CR1L: variants seen among roughly 807,000 people sequenced by gnomAD.
The protein encoded by CR1L is complement component receptor 1-like protein.
Under a neutral mutation model 62.3 loss-of-function variants are expected in CR1L, and 59 were observed. The ratio of observed to expected loss-of-function variants is 0.95; its 90% CI spans 0.77 to 1.18. The LOEUF is 1.18. Among genes scored for constraint, CR1L ranks in the 50% most tolerant of loss-of-function variants. The probability of loss-of-function intolerance (pLI) is 0.00; values close to 1 mark genes in which losing one functional copy is unlikely to be tolerated. For missense variants in CR1L, 700 were observed against 702.8 expected (o/e 1.00, Z 0.04); for synonymous variants, 279 against 248.7 (o/e 1.12, Z -1.15).
chr1:207,647,864 G>T (rs1663155112), intron 1 of CR1L, among the ~76,000 whole-genome samples: 2 of 152,140 alleles, frequency 1.3e-5, no homozygotes, highest in Admixed American at 6.6e-5. Context: ...GGAGGGTGAT[G>T]GGATTAGGGA....
In CR1L at chr1:207,714,060, G is replaced by A. The variant is rs149951337; in HGVS notation, c.1415-3404G>A. ...TTGGTGGGTCCTGAGTTCTTGTCCCGCATCCAAGAAGAACAAGCTTATGCT... is the reference window on the plus strand; with the variant it reads ...TTGGTGGGTCCTGAGTTCTTGTCCCACATCCAAGAAGAACAAGCTTATGCT... On this transcript the variant is annotated intron_variant, in intron 10 of 11. Coordinates refer to ENST00000508064, the MANE Select transcript of CR1L (RefSeq NM_175710.2). 4.5e-3 allele frequency among the ~76,000 whole-genome samples: 686 copies of A among 152,304 alleles called. 4 individuals are homozygous for A. The highest frequency in any genetic ancestry group is 0.01 in the Middle Eastern group (3 of 292).
rs1571532887 is a variant in CR1L at position 207,708,080 on chromosome 1, C to T, written c.1329-98C>T. ...AAAGTTTAGGCTAGGCCTTAGACTT[C>T]TCCTATATTGTAATCCCTCTGGTTT... On this transcript the variant is annotated intron_variant, in intron 9 of 11. Transcript: ENST00000508064. The T allele has an allele frequency of 3.6e-5, 51 of 1,408,896 alleles. No homozygotes were observed. In the South Asian group the frequency reaches 4.8e-4, roughly 13 times the overall value. 87.3% of individuals were successfully genotyped at this position (1,408,896 alleles called of 1,614,324 possible). A position where few individuals can be genotyped will look rare whatever the true frequency, so the allele number is the denominator to read the frequency against.
chr1:207,657,358 A>G (rs1394625135), intron 1 of CR1L: 1 of 788,998 alleles, frequency 1.3e-6, no homozygotes, highest in African/African-American at 1.7e-5. Flanking sequence ...ATCTGTAAGT[A>G]CTCTGGAAAT....
In CR1L at chr1:207,708,162, CA is replaced by C. The variant is rs1664298398; in HGVS notation, c.1329-15del. The C allele has an allele frequency of 6.2e-7, 1 of 1,610,284 alleles. No homozygotes were observed. Among genetic ancestry groups the C allele is most frequent in the African/African-American group, 1.3e-5 (1 of 74,752 alleles). Reference sequence around the variant, plus strand: ...AGGTATGTACAGCACAATTATTTTCCATTTTTTGCCTTTAGGCACCGACTCA... The same window carrying C: ...AGGTATGTACAGCACAATTATTTTCCTTTTTTGCCTTTAGGCACCGACTCA... On this transcript the variant is annotated splice_polypyrimidine_tract_variant and intron_variant, in intron 9 of 11. Transcript: ENST00000508064.
chr1:207,715,361 A>G, intron 10 of CR1L: 10 of 1,597,806 alleles, frequency 6.3e-6, no homozygotes, highest in Non-Finnish European at 7.7e-6. Context: ...GGCTGGAATG[A>G]AAGCCCTTTG....
At chr1:207,672,549 A>C (rs1663629100) in intron 1 of CR1L, among the ~76,000 whole-genome samples, 1 of 151,988 alleles carries the variant, frequency 6.6e-6, no homozygotes, top group Middle Eastern at 3.2e-3. Context: ...ACTTGAACTC[A>C]ACAGCACCAT....
chr1:207,701,380 G>A (rs1212603677), intron 8 of CR1L, 139 bp from the exon 9 acceptor site: 3 of 1,110,280 alleles, frequency 2.7e-6, no homozygotes, highest in African/African-American at 3.1e-5. Context: ...TCTCTGATGA[G>A]TTTTCTCAAG....
chr1:207,675,773 T>C (rs1663680761), intron 1 of CR1L, among the ~76,000 whole-genome samples: 1 of 152,246 alleles, frequency 6.6e-6, no homozygotes, highest in African/African-American at 2.4e-5. Flanking sequence ...TCTTCTTGAT[T>C]ACATACTGTT....
chr1:207,680,537 T>TA (rs66787201), intron 3 of CR1L, among the ~76,000 whole-genome samples: 2 of 150,892 alleles, frequency 1.3e-5, no homozygotes, highest in South Asian at 2.1e-4. Context: ...TATCTCAAAA[T>TA]AAAAAAATTT....
intron 1 of CR1L, among the ~76,000 whole-genome samples, chr1:207,671,652 C>A (rs952913160): frequency 2.0e-5 from 3 of 150,900 alleles, no homozygotes; most frequent in African/African-American, 7.5e-5. Context: ...CGGGGCCAGG[C>A]GCAGTGGCTC....
intron 7 of CR1L, 123 bp downstream of exon 7, chr1:207,697,996 AAT>A: frequency 9.2e-6 from 13 of 1,417,368 alleles, no homozygotes; most frequent in Admixed American, 4.3e-5. Flanking sequence ...ACACACACAC[AAT>A]CAGAGAGATG....
intron 1 of CR1L, among the ~76,000 whole-genome samples, chr1:207,661,582 G>A (rs1180209043): frequency 6.6e-6 from 1 of 152,072 alleles, no homozygotes; most frequent in African/African-American, 2.4e-5. Flanking sequence ...ACACTGATGG[G>A]TCTTGACTCT....
intron 1 of CR1L, among the ~76,000 whole-genome samples, chr1:207,649,833 G>T (rs1223773634): frequency 6.6e-6 from 1 of 152,174 alleles, no homozygotes. Context: ...TATAAATACT[G>T]CTCTGGTAAT....
chr1:207,699,669 C>T (rs1035842534), intron 8 of CR1L, among the ~76,000 whole-genome samples: 7 of 152,012 alleles, frequency 4.6e-5, no homozygotes, highest in Non-Finnish European at 7.4e-5. Flanking sequence ...GTTCTCCAAT[C>T]AATGTGCAGT....
At chr1:207,710,329 C>G in intron 10 of CR1L, 1 of 1,098,286 alleles carries the variant, frequency 9.1e-7, no homozygotes, top group South Asian at 1.3e-5. Flanking sequence ...GGCGACAGAG[C>G]AAGACTCTGT....
At chr1:207,720,975 CAAG>C (rs145341406) in intron 11 of CR1L, among the ~76,000 whole-genome samples, 2,374 of 152,250 alleles carry the variant, frequency 0.016, 55 homozygotes, top group African/African-American at 0.046. Context: ...TCTTAGTTCA[CAAG>C]AAGTCTCCAT....
At chr1:207,687,453 C>G (rs149182767) in intron 4 of CR1L, among the ~76,000 whole-genome samples, 91 of 152,262 alleles carry the variant, frequency 6.0e-4, no homozygotes, top group African/African-American at 2.1e-3. Flanking sequence ...ATGTAAGTGG[C>G]ACTCAGATTA....
chr1:207,696,014 G>A (rs1001347485), intron 5 of CR1L, among the ~76,000 whole-genome samples: 4 of 152,154 alleles, frequency 2.6e-5, no homozygotes, highest in African/African-American at 9.7e-5. Flanking sequence ...ACAGCTAATA[G>A]GTCACAAAGA....
chr1:207,710,598 C>T lies in CR1L; in HGVS notation c.1414+2335C>T, dbSNP rs969286903. 10 of 1,609,992 alleles carry T rather than the reference C, an allele frequency of 6.2e-6. No individual in the cohort carries two copies. The African/African-American group carries it at 1.1e-4, about 17-fold the overall frequency. On this transcript the variant is annotated intron_variant, in intron 10 of 11. Coordinates refer to ENST00000508064, the MANE Select transcript of CR1L (RefSeq NM_175710.2). ...GGCCCAGTCCCTCAGTGCATTATACCTAACAAATGCACACCTCCAAATGTG... is the reference window on the plus strand; with the variant it reads ...GGCCCAGTCCCTCAGTGCATTATACTTAACAAATGCACACCTCCAAATGTG...
Sources: allele counts gnomAD v4.1 joint callset (sites outside exome capture counted in the v4.1 genomes callset), GRCh38; gene constraint gnomAD v4.1.1; transcripts MANE v1.5; gene names NCBI Gene and HGNC (gene_info 2026-07-23, HGNC 2026-07-21).